The following DSCAM variants were observed in gnomAD, a reference collection of about 807,000 sequenced individuals.
DSCAM encodes DS cell adhesion molecule, also known as cell adhesion molecule DSCAM.
DSCAM carries 47 observed loss-of-function variants against 217.7 expected under a neutral mutation model. The ratio of observed to expected loss-of-function variants is 0.22; its 90% CI spans 0.17 to 0.28. DSCAM has a LOEUF of 0.28. DSCAM is among the 10% of genes least tolerant of loss of function. The pLI, the probability that DSCAM is intolerant of heterozygous loss-of-function variation, is 1.00. For synonymous variants in DSCAM, 1,056 were observed against 1,015.3 expected (o/e 1.04, Z -0.76); for missense variants, 2,080 against 2,618.3 (o/e 0.79, Z 4.49).
rs116093013 is a variant in DSCAM, at chr21:40,657,572, G to A, written c.508+35238C>T. 6.1e-3 allele frequency among the ~76,000 whole-genome samples: 929 copies of A among 152,252 alleles called. 10 individuals carry two copies. Among genetic ancestry groups the A allele is most frequent in the African/African-American group, 0.021 (857 of 41,528 alleles). On this transcript the variant is annotated intron_variant, in intron 3 of 32. Transcript: ENST00000400454. ...ACCAGAGGGCTGCACAGACACAGGC[G>A]CAGCTACACCCTTTGGTGACTTACC...
At chr21:40,150,061 T>C (rs1021259982) in intron 16 of DSCAM, among the ~76,000 whole-genome samples, 2 of 152,222 alleles carry the variant, frequency 1.3e-5, no homozygotes, top group African/African-American at 4.8e-5. Flanking sequence ...TTTCCCATTG[T>C]AATTGGTGCT....
At chr21:40,545,975 T>C (rs938465800) in intron 3 of DSCAM, among the ~76,000 whole-genome samples, 5 of 152,296 alleles carry the variant, frequency 3.3e-5, no homozygotes, top group Admixed American at 2.0e-4. Flanking sequence ...GAGCCTTTGT[T>C]CCCTCCTCCA....
At chr21:40,723,785 CAA>C (rs1032987041) in intron 1 of DSCAM, among the ~76,000 whole-genome samples, 179 of 152,192 alleles carry the variant, frequency 1.2e-3, no homozygotes, top group African/African-American at 3.9e-3. Flanking sequence ...GAGTGGCTGA[CAA>C]AAAGAATTTC....
At chr21:40,609,800 G>T (rs2089289492) in intron 3 of DSCAM, among the ~76,000 whole-genome samples, 1 of 152,244 alleles carries the variant, frequency 6.6e-6, no homozygotes, top group African/African-American at 2.4e-5. Context: ...GCCAGCATTT[G>T]CTTTGACAGA....
chr21:40,533,207 A>G (rs780304206), intron 3 of DSCAM, among the ~76,000 whole-genome samples: 19 of 152,168 alleles, frequency 1.2e-4, no homozygotes, highest in Non-Finnish European at 2.5e-4. Context: ...AAAATAATCA[A>G]AACTATCCTT....
chr21:40,152,822 T>C (rs530336548), intron 16 of DSCAM, among the ~76,000 whole-genome samples: 20 of 152,252 alleles, frequency 1.3e-4, no homozygotes, highest in Non-Finnish European at 2.4e-4. Context: ...AGAACAGGCA[T>C]CTCTTGTGCT....
chr21:40,592,111 G>A (rs2076988353), intron 3 of DSCAM, among the ~76,000 whole-genome samples: 1 of 152,078 alleles, frequency 6.6e-6, no homozygotes, highest in Non-Finnish European at 1.5e-5. Context: ...ATCCAGGAAG[G>A]CAGTAATACC....
intron 3 of DSCAM, among the ~76,000 whole-genome samples, chr21:40,527,646 A>T (rs1407477908): frequency 6.6e-6 from 1 of 152,232 alleles, no homozygotes; most frequent in African/African-American, 2.4e-5. Context: ...TCACACAATC[A>T]TGAACTAGAC....
At chr21:40,563,391 C>CATTA in intron 3 of DSCAM, among the ~76,000 whole-genome samples, 1 of 150,142 alleles carries the variant, frequency 6.7e-6, no homozygotes, top group East Asian at 2.0e-4. Flanking sequence ...TCTGGTGGAA[C>CATTA]TCTGAGAACT....
chr21:40,368,979 T>C, intron 4 of DSCAM, 120 bp downstream of exon 4: 1 of 1,145,314 alleles, frequency 8.7e-7, no homozygotes, highest in South Asian at 2.4e-5. Flanking sequence ...CTAAAATATT[T>C]TGGAAAAGGA....
chr21:40,750,134 G>T (rs1279700764), intron 1 of DSCAM, among the ~76,000 whole-genome samples: 2 of 151,954 alleles, frequency 1.3e-5, no homozygotes, highest in African/African-American at 2.4e-5. Context: ...CACCATGTTG[G>T]CCAGGCTGGT....
intron 1 of DSCAM, among the ~76,000 whole-genome samples, chr21:40,731,792 G>C (rs1031101155): frequency 7.1e-6 from 1 of 140,642 alleles, no homozygotes; most frequent in Non-Finnish European, 1.5e-5. Flanking sequence ...GCAATGGTGC[G>C]ATCTCAGCTC....
chr21:40,633,417 A>G (rs2089717834), intron 3 of DSCAM, among the ~76,000 whole-genome samples: 1 of 152,200 alleles, frequency 6.6e-6, no homozygotes, highest in Non-Finnish European at 1.5e-5. Context: ...AGATGGCTAT[A>G]CTCTTCGTTC....
rs578246208 is a variant in DSCAM at position 40,378,840 on chromosome 21, G to A, written c.509-9595C>T. Reference sequence around the variant, plus strand: ...GATCTCCTGACCTCGTGATCCGCCCGCCTCGGCCTCCCAAAGTGCTGGGAT... The same window carrying A: ...GATCTCCTGACCTCGTGATCCGCCCACCTCGGCCTCCCAAAGTGCTGGGAT... On this transcript the variant is annotated intron_variant, in intron 3 of 32. Transcript: ENST00000400454. 2.7e-3 allele frequency among the ~76,000 whole-genome samples: 412 copies of A among 151,918 alleles called. 2 individuals carry two copies. Among genetic ancestry groups the A allele is most frequent in the African/African-American group, 9.1e-3 (377 of 41,494 alleles).
chr21:40,105,862 T>C (rs2089812884), intron 20 of DSCAM, among the ~76,000 whole-genome samples: 1 of 152,186 alleles, frequency 6.6e-6, no homozygotes, highest in Non-Finnish European at 1.5e-5. Context: ...ATTGAGATAA[T>C]CATGTAGTTT....
chr21:40,266,635 T>TATATATATATA (rs1555896543), intron 11 of DSCAM, among the ~76,000 whole-genome samples: 3 of 62,642 alleles, frequency 4.8e-5, no homozygotes, highest in African/African-American at 8.4e-5. Flanking sequence ...CAAAGATGTT[T>TATATATATATA]TATATATATA....
chr21:40,684,736 C>CGAT (rs2090455408), intron 3 of DSCAM, among the ~76,000 whole-genome samples: 1 of 152,096 alleles, frequency 6.6e-6, no homozygotes, highest in African/African-American at 2.4e-5. Flanking sequence ...TTTAGCTTGT[C>CGAT]GATAATAATA....
chr21:40,473,031 C>T (rs779898147), intron 3 of DSCAM, among the ~76,000 whole-genome samples: 3 of 152,070 alleles, frequency 2.0e-5, no homozygotes, highest in Admixed American at 6.6e-5. Flanking sequence ...ATACGGGGCA[C>T]GGATTTATTT....
intron 21 of DSCAM, among the ~76,000 whole-genome samples, chr21:40,090,833 G>C (rs7275547): frequency 0.49 from 75,007 of 152,022 alleles, 19,224 homozygotes; most frequent in African/African-American, 0.62. Flanking sequence ...TGAGTGAATG[G>C]CTCTTCGTCA....
Sources: gnomAD v4.1 joint callset for allele counts (sites outside exome capture counted in the v4.1 genomes callset) on GRCh38, gnomAD v4.1.1 for gene constraint, MANE v1.5 for transcripts, NCBI Gene and HGNC (gene_info 2026-07-23, HGNC 2026-07-21) for gene names.